The following ARMH4 variants were observed in gnomAD, a reference collection of about 807,000 sequenced individuals.
The protein encoded by ARMH4 is armadillo-like helical domain-containing protein 4.
In ARMH4, 49 loss-of-function variants were observed where a neutral mutation model predicts 61.9. The ratio of observed to expected loss-of-function variants is 0.79; its 90% CI spans 0.63 to 1.00. The LOEUF is 1.00. Ranked by LOEUF, ARMH4 falls within the 50% of genes least tolerant of loss-of-function variation. The probability of loss-of-function intolerance (pLI) is 0.00; values close to 1 mark genes in which losing one functional copy is unlikely to be tolerated. For synonymous variants in ARMH4, 368 were observed against 341.5 expected (o/e 1.08, Z -0.85); for missense variants, 934 against 930.0 (o/e 1.00, Z -0.06).
chr14:58,097,742 G>C (rs1023650552), intron 4 of ARMH4, among the ~76,000 whole-genome samples: 2 of 148,070 alleles, frequency 1.4e-5, no homozygotes, highest in Non-Finnish European at 3.0e-5. Context: ...GTCTTGCTCT[G>C]TCACCCAGGC....
chr14:58,023,084 C>T (rs953211613), intron 5 of ARMH4, among the ~76,000 whole-genome samples: 3 of 152,138 alleles, frequency 2.0e-5, no homozygotes, highest in Non-Finnish European at 4.4e-5. Context: ...TGCTGATGGC[C>T]GCTGACTAAT....
chr14:58,147,170 T>A (rs1220153218), intron 1 of ARMH4, among the ~76,000 whole-genome samples: 1 of 152,174 alleles, frequency 6.6e-6, no homozygotes, highest in Non-Finnish European at 1.5e-5. Context: ...CATTCTAGAT[T>A]CACAACCGCT....
intron 5 of ARMH4, among the ~76,000 whole-genome samples, chr14:58,093,801 G>A (rs1321811775): frequency 6.6e-6 from 1 of 152,096 alleles, no homozygotes; most frequent in African/African-American, 2.4e-5. Context: ...TCTTCTCAGT[G>A]AGAAGAACAG....
rs143268884 is a variant in ARMH4, at chr14:58,048,400, C to T, written c.2090-36250G>A. On this transcript the variant is annotated intron_variant, in intron 5 of 7. Transcript: ENST00000267485. ...ATGGTTGTGCGACTTTAATGAACGG[C>T]ATTTGCTTTTTGAAAAGCTGATTTG... 2.7e-4 allele frequency among the ~76,000 whole-genome samples: 41 copies of T among 152,338 alleles called. No individual in the cohort carries two copies. In the East Asian group the frequency reaches 6.7e-3, roughly 25 times the overall value.
chr14:58,028,607 A>T (rs1456429434), intron 5 of ARMH4, among the ~76,000 whole-genome samples: 1 of 152,156 alleles, frequency 6.6e-6, no homozygotes, highest in East Asian at 1.9e-4. Context: ...TCCACCAGCC[A>T]AGGCCATGTC....
At chr14:58,053,853 C>T (rs544371743) in intron 5 of ARMH4, among the ~76,000 whole-genome samples, 3 of 152,266 alleles carry the variant, frequency 2.0e-5, no homozygotes, top group Admixed American at 6.5e-5. Context: ...AACCCCATTC[C>T]GTAGTGACAA....
chr14:58,029,370 A>G (rs1957672071), intron 5 of ARMH4, among the ~76,000 whole-genome samples: 1 of 151,956 alleles, frequency 6.6e-6, no homozygotes, highest in South Asian at 2.1e-4. Context: ...AGTAGCTGGG[A>G]TTACAGGCAT....
At chr14:58,055,233 GCCAC>G (rs895414339) in intron 5 of ARMH4, among the ~76,000 whole-genome samples, 7 of 152,280 alleles carry the variant, frequency 4.6e-5, no homozygotes, top group African/African-American at 1.7e-4. Flanking sequence ...TCTCTATGGG[GCCAC>G]ATTTCCTCTC....
At chr14:58,105,278 A>T (rs1221698904) in intron 4 of ARMH4, among the ~76,000 whole-genome samples, 1 of 152,176 alleles carries the variant, frequency 6.6e-6, no homozygotes, top group Non-Finnish European at 1.5e-5. Context: ...ATAAACCCCA[A>T]ATTTTATTTT....
chr14:58,079,997 G>C (rs1370717152), intron 5 of ARMH4, among the ~76,000 whole-genome samples: 2 of 152,112 alleles, frequency 1.3e-5, no homozygotes, highest in Admixed American at 6.6e-5. Context: ...CAGCACTTAA[G>C]AGTGACATAG....
intron 4 of ARMH4, among the ~76,000 whole-genome samples, chr14:58,117,883 TGAACAGCTGA>T (rs1696585902): frequency 6.6e-6 from 1 of 151,382 alleles, no homozygotes; most frequent in Non-Finnish European, 1.5e-5. Flanking sequence ...CTCAGCCTCC[TGAACAGCTGA>T]GACTACAGGT....
chr14:58,018,087 T>G (rs1255828157), intron 5 of ARMH4, among the ~76,000 whole-genome samples: 1 of 152,162 alleles, frequency 6.6e-6, no homozygotes, highest in Non-Finnish European at 1.5e-5. Context: ...AAGAATAAAC[T>G]TACAGCCTCA....
Position 58,096,752 on chromosome 14 carries a change from G to A in ARMH4, c.2061C>T (p.Leu687=), listed in dbSNP as rs111628716. 62 of 1,614,018 alleles carry A rather than the reference G, an allele frequency of 3.8e-5. No homozygotes were observed. Among genetic ancestry groups the A allele is most frequent in the African/African-American group, 3.6e-4 (27 of 75,018 alleles). ...GGCCTTGATTCTGCTGTTCCCACTC[G>A]AGGGCATCTGGCACCTGGTAGGTAG... The part of the protein sequence containing the change: ...EGATYQVPDA[L]EWEQQNQGLV... Residue 687 remains leucine (L), a synonymous_variant, in exon 5 of 8, where the codon CTC becomes CTT. Coordinates refer to ENST00000267485, the MANE Select transcript of ARMH4 (RefSeq NM_001001872.4).
chr14:58,122,301 A>G (rs970957845), intron 4 of ARMH4, among the ~76,000 whole-genome samples: 2 of 152,188 alleles, frequency 1.3e-5, no homozygotes, highest in African/African-American at 4.8e-5. Context: ...TGCGTGCTAG[A>G]AGGACTAAGG....
intron 5 of ARMH4, among the ~76,000 whole-genome samples, chr14:58,042,037 C>T (rs1453528930): frequency 2.0e-5 from 3 of 151,972 alleles, no homozygotes; most frequent in Admixed American, 6.6e-5. Context: ...GACAGACCAA[C>T]GAGACAGAAA....
At position 58,096,784 on chromosome 14, in the gene ARMH4, C is replaced by T. The variant is rs758598846; in HGVS notation, c.2029G>A (p.Glu677Lys). The change falls in exon 5 of 8, where the codon GAG (glutamate) becomes AAG (lysine). Residue 677 changes from glutamate to lysine, a missense_variant. Transcript: ENST00000267485. ...TCTGGCACCTGGTAGGTAGCTCCCTCCAACAGGTCCATGTTTCCCTCCTCT... is the reference window on the plus strand; with the variant it reads ...TCTGGCACCTGGTAGGTAGCTCCCTTCAACAGGTCCATGTTTCCCTCCTCT... ...GLEEGNMDLL[E>K]GATYQVPDAL... is the part of the protein sequence containing the mutation. 6 of 1,614,112 alleles carry T rather than the reference C, an allele frequency of 3.7e-6. No individual in the cohort carries two copies. Among genetic ancestry groups the T allele is most frequent in the Non-Finnish European group, 5.1e-6 (6 of 1,180,020 alleles).
intron 4 of ARMH4, among the ~76,000 whole-genome samples, chr14:58,105,566 A>C (rs1477306180): frequency 6.6e-6 from 1 of 152,118 alleles, no homozygotes; most frequent in Non-Finnish European, 1.5e-5. Flanking sequence ...ACATGCCTGT[A>C]GTCCCAGCTA....
intron 5 of ARMH4, among the ~76,000 whole-genome samples, chr14:58,025,047 T>A (rs904076289): frequency 2.0e-5 from 3 of 152,118 alleles, no homozygotes; most frequent in African/African-American, 7.2e-5. Flanking sequence ...CACAGAGTGA[T>A]CCCATGCTAT....
chr14:58,028,846 C>T (rs1306863771), intron 5 of ARMH4, among the ~76,000 whole-genome samples: 2 of 152,176 alleles, frequency 1.3e-5, no homozygotes, highest in African/African-American at 4.8e-5. Context: ...GTCACTCAGT[C>T]CACCATGCTG....
Sources: allele counts gnomAD v4.1 joint callset (sites outside exome capture counted in the v4.1 genomes callset), GRCh38; gene constraint gnomAD v4.1.1; transcripts MANE v1.5; gene names NCBI Gene and HGNC (gene_info 2026-07-23, HGNC 2026-07-21).